Variants in CLEC16A observed in about 807,000 individuals in gnomAD.
CLEC16A encodes the protein C-type lectin domain containing 16A.
CLEC16A carries 51 observed loss-of-function variants against 109.5 expected under a neutral mutation model. That is an observed-to-expected ratio of 0.47 (90% CI 0.37 to 0.59). The LOEUF (loss-of-function observed/expected upper bound fraction) is 0.59. CLEC16A is among the 20% of genes least tolerant of loss of function. The probability of loss-of-function intolerance (pLI) is 0.00; values close to 1 mark genes in which losing one functional copy is unlikely to be tolerated. For missense variants in CLEC16A, 1,339 were observed against 1,394.0 expected, an observed-to-expected ratio of 0.96 and a Z score of 0.63; for synonymous variants, 673 against 564.2, an observed-to-expected ratio of 1.19 and a Z score of -2.73.
chr16:11,017,058 A>C (rs2152793422), intron 11 of CLEC16A, among the ~76,000 whole-genome samples: 1 of 151,794 alleles, frequency 6.6e-6, no homozygotes, highest in African/African-American at 2.4e-5. Flanking sequence ...CATGCCTAAC[A>C]GTCTGGGGAG....
At chr16:10,975,023 A>C (rs2146476327) in intron 7 of CLEC16A, among the ~76,000 whole-genome samples, 1 of 152,322 alleles carries the variant, frequency 6.6e-6, no homozygotes, top group South Asian at 2.1e-4. Flanking sequence ...CTGCAGAAAC[A>C]AGTAACTGCC....
Position 11,126,153 on chromosome 16 carries a change from C to T in CLEC16A, c.2641+7C>T. On this transcript the variant is annotated splice_region_variant and intron_variant, in intron 22 of 23. Transcript: ENST00000409790. ...TCGGTGGACAAGGTGCCAGGTGAGC[C>T]AGCCCCCCGCCCTGCGCCACAGCTC... 3 of 1,613,710 alleles carry T rather than the reference C, an allele frequency of 1.9e-6. No homozygotes were observed. The highest frequency in any genetic ancestry group is 2.2e-5 in the South Asian group (2 of 91,078).
chr16:11,172,304 TCA>T (rs995269192), intron 23 of CLEC16A, among the ~76,000 whole-genome samples: 1 of 151,700 alleles, frequency 6.6e-6, no homozygotes, highest in African/African-American at 2.4e-5. Context: ...ACATACACAC[TCA>T]CACATAGATG....
At chr16:11,104,930 C>T (rs888020130) in intron 19 of CLEC16A, among the ~76,000 whole-genome samples, 24 of 152,186 alleles carry the variant, frequency 1.6e-4, no homozygotes, top group African/African-American at 5.5e-4. Context: ...ACCAGGATAC[C>T]CTTGTTCCTG....
chr16:10,983,195 G>A (rs751145345), intron 10 of CLEC16A, among the ~76,000 whole-genome samples: 1 of 152,216 alleles, frequency 6.6e-6, no homozygotes, highest in Non-Finnish European at 1.5e-5. Context: ...GGATTTGATT[G>A]ATTGTGTGTT....
At chr16:11,084,253 C>T (rs139299889) in intron 19 of CLEC16A, among the ~76,000 whole-genome samples, 4 of 152,220 alleles carry the variant, frequency 2.6e-5, no homozygotes, top group African/African-American at 9.6e-5. Context: ...CAGCTTACTT[C>T]CTAGCAAAAT....
chr16:11,011,692 A>C (rs971296993), intron 11 of CLEC16A, among the ~76,000 whole-genome samples: 1 of 152,222 alleles, frequency 6.6e-6, no homozygotes, highest in Admixed American at 6.5e-5. Flanking sequence ...GGAGAAAGCT[A>C]GGAAATCTAT....
intron 11 of CLEC16A, among the ~76,000 whole-genome samples, chr16:11,016,562 T>G (rs1349952735): frequency 6.6e-6 from 1 of 151,954 alleles, no homozygotes; most frequent in African/African-American, 2.4e-5. Context: ...TCTCAAACTC[T>G]TGACCTCAAG....
chr16:11,035,219 G>A (rs1011623010), intron 13 of CLEC16A, among the ~76,000 whole-genome samples: 3 of 152,112 alleles, frequency 2.0e-5, no homozygotes, highest in Admixed American at 6.5e-5. Context: ...TGACAGTGTC[G>A]TATTTCTTTC....
At chr16:11,152,556 G>A (rs546107690) in intron 22 of CLEC16A, among the ~76,000 whole-genome samples, 144 of 152,342 alleles carry the variant, frequency 9.5e-4, no homozygotes, top group African/African-American at 2.7e-3. Context: ...CAGGGCCAGT[G>A]CCAATCCCCT....
intron 2 of CLEC16A, among the ~76,000 whole-genome samples, chr16:10,960,915 G>GT (rs1271386894): frequency 6.6e-6 from 1 of 152,100 alleles, no homozygotes; most frequent in African/African-American, 2.4e-5. Context: ...TCTTCCTTTT[G>GT]TTTTTTGAGC....
chr16:11,043,967 T>A (rs2047491367), intron 15 of CLEC16A, 61 bp from the exon 16 acceptor site: 4 of 1,371,238 alleles, frequency 2.9e-6, no homozygotes, highest in Non-Finnish European at 4.0e-6. Context: ...ATTCGTAGTT[T>A]GCCCGACTTG....
At chr16:11,134,925 G>A (rs1351428842) in intron 22 of CLEC16A, among the ~76,000 whole-genome samples, 6 of 152,166 alleles carry the variant, frequency 3.9e-5, no homozygotes, top group Admixed American at 2.0e-4. Flanking sequence ...CCACATCCTC[G>A]TGCCCCAAGA....
chr16:11,015,299 G>A (rs2045676914), intron 11 of CLEC16A, among the ~76,000 whole-genome samples: 1 of 151,914 alleles, frequency 6.6e-6, no homozygotes, highest in African/African-American at 2.4e-5. Context: ...GCCCATGTGG[G>A]TCTGGTTCTG....
intron 19 of CLEC16A, among the ~76,000 whole-genome samples, chr16:11,107,744 C>T (rs1223025211): frequency 6.6e-6 from 1 of 152,242 alleles, no homozygotes; most frequent in Non-Finnish European, 1.5e-5. Context: ...TCAGCACTGG[C>T]TTCCTTTTCA....
intron 13 of CLEC16A, among the ~76,000 whole-genome samples, chr16:11,034,219 G>A (rs1367581071): frequency 9.2e-5 from 14 of 152,294 alleles, no homozygotes; most frequent in Admixed American, 7.2e-4. Context: ...GAAGTACATT[G>A]GAAATCGGCC....
chr16:10,980,931 T>A (rs964978278), intron 9 of CLEC16A, among the ~76,000 whole-genome samples: 5 of 152,216 alleles, frequency 3.3e-5, no homozygotes, highest in Non-Finnish European at 7.3e-5. Context: ...ATGAAAATTT[T>A]TATGGATGAC....
chr16:11,108,246 C>G lies in CLEC16A; in HGVS notation c.2117-12369C>G, dbSNP rs1414723940. On this transcript the variant is annotated intron_variant, in intron 19 of 23. Coordinates refer to ENST00000409790, the MANE Select transcript of CLEC16A (RefSeq NM_015226.3). ...GGCGGACACCCAGCTTCAGTCTCTCCTGCATGCCAGGAAGAGAAACTCTCA... is the reference window on the plus strand; with the variant it reads ...GGCGGACACCCAGCTTCAGTCTCTCGTGCATGCCAGGAAGAGAAACTCTCA... Among the ~76,000 whole-genome samples, 2 of 152,232 alleles carry G rather than the reference C, an allele frequency of 1.3e-5. 1 individual carries two copies. The highest frequency in any genetic ancestry group is 6.3e-3 in the Middle Eastern group (2 of 316).
At chr16:11,144,097 T>C (rs2053953615) in intron 22 of CLEC16A, among the ~76,000 whole-genome samples, 1 of 152,222 alleles carries the variant, frequency 6.6e-6, no homozygotes, top group Non-Finnish European at 1.5e-5. Flanking sequence ...CCTAGCCCTG[T>C]CGCTCGGCAC....
Sources: gnomAD v4.1 joint callset for allele counts (sites outside exome capture counted in the v4.1 genomes callset) on GRCh38, gnomAD v4.1.1 for gene constraint, MANE v1.5 for transcripts, NCBI Gene and HGNC (gene_info 2026-07-23, HGNC 2026-07-21) for gene names.